CDH19: variants seen among roughly 807,000 people sequenced by gnomAD.
The protein encoded by CDH19 is cadherin-19.
A neutral mutation model predicts 64.2 loss-of-function variants in CDH19; 67 were observed. The ratio of observed to expected loss-of-function variants is 1.04; its 90% CI spans 0.86 to 1.28. The LOEUF is 1.28. Among genes scored for constraint, CDH19 ranks in the 50% most tolerant of loss-of-function variants. The probability of loss-of-function intolerance (pLI) is 0.00; values close to 1 mark genes in which losing one functional copy is unlikely to be tolerated. For missense variants in CDH19, 1,030 were observed against 929.0 expected (o/e 1.11, Z -1.41); for synonymous variants, 346 against 319.3 (o/e 1.08, Z -0.89).
intron 8 of CDH19, among the ~76,000 whole-genome samples, chr18:66,533,506 A>G (rs1174247179): frequency 1.3e-5 from 2 of 152,096 alleles, no homozygotes; most frequent in African/African-American, 2.4e-5. Context: ...CAGAAAATTA[A>G]TAAGAAATTC....
chr18:66,586,640 G>C (rs9967083), intron 1 of CDH19, among the ~76,000 whole-genome samples: 22,003 of 151,908 alleles, frequency 0.14, 1,733 homozygotes, highest in East Asian at 0.26. Flanking sequence ...AGTTAACATG[G>C]AGAGTTAGTG....
chr18:66,541,071 T>C (rs1005605622), intron 7 of CDH19, among the ~76,000 whole-genome samples: 5 of 152,138 alleles, frequency 3.3e-5, no homozygotes, highest in African/African-American at 1.2e-4. Flanking sequence ...AGTTTGTTAT[T>C]ATAATTCATA....
chr18:66,505,325 A>AT, intron 11 of CDH19, 23 bp from the exon 12 acceptor site: 2 of 1,506,516 alleles, frequency 1.3e-6, no homozygotes, highest in Non-Finnish European at 1.8e-6. Flanking sequence ...GCACATCAGA[A>AT]TATCAATAAA....
intron 9 of CDH19, among the ~76,000 whole-genome samples, chr18:66,516,814 A>G (rs1424176509): frequency 1.3e-5 from 2 of 152,036 alleles, no homozygotes; most frequent in African/African-American, 4.8e-5. Context: ...TTCACTCTAG[A>G]AGAGAATATA....
At chr18:66,582,365 G>A (rs1399709268) in intron 1 of CDH19, among the ~76,000 whole-genome samples, 2 of 151,662 alleles carry the variant, frequency 1.3e-5, no homozygotes, top group Non-Finnish European at 2.9e-5. Context: ...AAAAATCAAG[G>A]GAAACTTGGC....
intron 1 of CDH19, among the ~76,000 whole-genome samples, chr18:66,601,653 G>A (rs1480382566): frequency 6.6e-6 from 1 of 151,914 alleles, no homozygotes; most frequent in African/African-American, 2.4e-5. Context: ...ACAAAGGTAT[G>A]TATTCTAGAG....
At position 66,551,111 on chromosome 18, in the gene CDH19, T is replaced by C; in HGVS notation, c.758A>G (p.Lys253Arg). 6.3e-7 allele frequency: 1 copy of C among 1,594,226 alleles called. No individual in the cohort carries two copies. Among genetic ancestry groups the C allele is most frequent in the Non-Finnish European group, 8.6e-7 (1 of 1,163,324 alleles). ...TTACTTACTTTCTTTAAATATAGGC[T>C]TATTGTCATTAACATCTGAAAGTTT... ...LIKLSDVNDN[K>R]PIFKESLYRL... is the part of the protein sequence containing the mutation. The change falls in exon 5 of 12, where the codon AAG becomes AGG. Residue 253 changes from lysine (K) to arginine (R), a missense_variant. Lys to Arg is a conservative substitution (Grantham distance 26). Transcript: ENST00000262150.
intron 7 of CDH19, among the ~76,000 whole-genome samples, chr18:66,537,071 T>C (rs1000517631): frequency 4.6e-5 from 7 of 151,986 alleles, no homozygotes; most frequent in African/African-American, 1.7e-4. Context: ...CAGCTTTTTC[T>C]AATGTTAAAA....
chr18:66,544,027 T>C lies in CDH19; in HGVS notation c.1158A>G (p.Gly386=), dbSNP rs955626009. The stretch of plus-strand genomic sequence containing the variant: ...TGGCAGACACCACGCCTACAAATGA[T>C]CCCTGTGGGGTTTCTTCAAAAACTT... ...VFEVFEETPQ[G]SFVGVVSATD... The change falls in exon 7 of 12, where the codon GGA becomes GGG. Residue 386 remains glycine (G), a synonymous_variant. Transcript: ENST00000262150. 1.9e-6 allele frequency: 3 copies of C among 1,613,584 alleles called. No individual in the cohort carries two copies. The African/African-American group carries it at 4.0e-5, about 22-fold the overall frequency.
chr18:66,522,989 A>G (rs2144390274), intron 9 of CDH19, among the ~76,000 whole-genome samples: 1 of 152,154 alleles, frequency 6.6e-6, no homozygotes, highest in East Asian at 1.9e-4. Flanking sequence ...CTAATTAAAA[A>G]TAGTTGAAAA....
intron 1 of CDH19, among the ~76,000 whole-genome samples, chr18:66,598,910 C>T (rs529518296): frequency 2.6e-5 from 4 of 151,708 alleles, no homozygotes; most frequent in South Asian, 4.2e-4. Context: ...CAAAGACATG[C>T]TATAAAAGGT....
intron 9 of CDH19, among the ~76,000 whole-genome samples, chr18:66,524,569 T>TATATATATATAAAA (rs1276593665): frequency 1.5e-5 from 2 of 135,164 alleles, no homozygotes; most frequent in Non-Finnish European, 3.2e-5. Flanking sequence ...TATATATATA[T>TATATATATATAAAA]AAACATCATC....
At position 66,590,487 on chromosome 18, in the gene CDH19, T is replaced by G. The variant is rs547945795; in HGVS notation, c.-113+13467A>C. 4.2e-4 allele frequency among the ~76,000 whole-genome samples: 64 copies of G among 151,210 alleles called. 1 individual carries two copies. Among genetic ancestry groups the G allele is most frequent in the African/African-American group, 1.5e-3 (60 of 41,284 alleles). ...CTTTAGAGCTGGTACCTTTAACCAATGTCTTTGCAGAAGCCATTTTCTGGA... is the reference window on the plus strand; with the variant it reads ...CTTTAGAGCTGGTACCTTTAACCAAGGTCTTTGCAGAAGCCATTTTCTGGA... On this transcript the variant is annotated intron_variant, in intron 1 of 11. Transcript: ENST00000262150.
At chr18:66,550,958 C>T in intron 5 of CDH19, 136 bp downstream of exon 5, 1 of 504,584 alleles carries the variant, frequency 2.0e-6, no homozygotes. Context: ...ATAATCATAC[C>T]AGAACAATTG....
At chr18:66,523,323 G>A (rs182350081) in intron 9 of CDH19, among the ~76,000 whole-genome samples, 2 of 152,198 alleles carry the variant, frequency 1.3e-5, no homozygotes, top group African/African-American at 2.4e-5. Flanking sequence ...AAGATGTAAG[G>A]AGAACTCTAA....
intron 9 of CDH19, among the ~76,000 whole-genome samples, chr18:66,523,620 G>T (rs934951620): frequency 1.3e-5 from 2 of 151,874 alleles, no homozygotes; most frequent in Non-Finnish European, 2.9e-5. Context: ...GTGGGGGTGG[G>T]GGGGGAGTGG....
intron 1 of CDH19, among the ~76,000 whole-genome samples, chr18:66,590,483 C>T (rs537923151): frequency 6.6e-6 from 1 of 150,976 alleles, no homozygotes; most frequent in African/African-American, 2.4e-5. Context: ...GTACCTTTAA[C>T]CAATGTCTTT....
At chr18:66,540,717 G>A (rs1296918288) in intron 7 of CDH19, among the ~76,000 whole-genome samples, 3 of 151,876 alleles carry the variant, frequency 2.0e-5, no homozygotes, top group Admixed American at 6.6e-5. Context: ...CCACCTTCTC[G>A]TACCCACCTA....
At position 66,535,080 on chromosome 18, in the gene CDH19, G is replaced by T; in HGVS notation, c.1242C>A (p.Phe414Leu). The change falls in exon 8 of 12, where the codon TTC becomes TTA. Residue 414 changes from phenylalanine to leucine, a missense_variant. Phe to Leu is a conservative substitution (Grantham distance 22, BLOSUM62 0). Coordinates refer to ENST00000262150, the MANE Select transcript of CDH19 (RefSeq NM_021153.4). ...IRYSITRSKVFNINDNGTITT... is the reference protein window; with the variant it reads ...IRYSITRSKVLNINDNGTITT... Reference sequence around the variant, plus strand: ...TGATTGTACCATTATCATTGATATTGAACACTTTGCTCCTAGTAATAGAAT... The same window carrying T: ...TGATTGTACCATTATCATTGATATTTAACACTTTGCTCCTAGTAATAGAAT... 6.7e-7 allele frequency: 1 copy of T among 1,498,276 alleles called. No individual in the cohort carries two copies. The highest frequency in any genetic ancestry group is 1.3e-5 in the South Asian group (1 of 74,378). The allele number at this position is 1,498,276 out of a possible 1,614,324, so 92.8% of individuals were successfully genotyped here. A position where few individuals can be genotyped will look rare whatever the true frequency, so the allele number is the denominator to read the frequency against.
Sources: gnomAD v4.1 joint callset for allele counts (sites outside exome capture counted in the v4.1 genomes callset) on GRCh38, gnomAD v4.1.1 for gene constraint, MANE v1.5 for transcripts, NCBI Gene and HGNC (gene_info 2026-07-23, HGNC 2026-07-21) for gene names.